The following SLC25A13 variants were observed in gnomAD, a reference collection of about 807,000 sequenced individuals.
SLC25A13 encodes the protein electrogenic aspartate/glutamate antiporter SLC25A13, mitochondrial.
SLC25A13 carries 70 observed loss-of-function variants against 85.5 expected under a neutral mutation model. The ratio of observed to expected loss-of-function variants is 0.82; its 90% CI spans 0.68 to 1.00. The LOEUF (loss-of-function observed/expected upper bound fraction) is 1.00. Among genes scored for constraint, SLC25A13 ranks in the 50% least tolerant of loss-of-function variants. The pLI, the probability that SLC25A13 is intolerant of heterozygous loss-of-function variation, is 0.00. For missense variants in SLC25A13, 765 were observed against 819.8 expected, an observed-to-expected ratio of 0.93 and a Z score of 0.82; for synonymous variants, 259 against 288.7, an observed-to-expected ratio of 0.90 and a Z score of 1.04.
intron 3 of SLC25A13, among the ~76,000 whole-genome samples, chr7:96,244,856 C>A (rs951795510): frequency 3.3e-5 from 5 of 152,128 alleles, no homozygotes; most frequent in Non-Finnish European, 1.5e-5. Context: ...GCTTTAAAAA[C>A]CTATTAAAGA....
intron 1 of SLC25A13, among the ~76,000 whole-genome samples, chr7:96,299,427 C>T (rs1799473276): frequency 6.6e-6 from 1 of 152,298 alleles, no homozygotes; most frequent in South Asian, 2.1e-4. Context: ...ATTCTCACTG[C>T]AAATCAGTCA....
chr7:96,307,288 AATT>A (rs1423216315), intron 1 of SLC25A13, among the ~76,000 whole-genome samples: 1 of 152,206 alleles, frequency 6.6e-6, no homozygotes, highest in Non-Finnish European at 1.5e-5. Flanking sequence ...GATATTGAAG[AATT>A]ATTATAATTT....
Position 96,121,867 on chromosome 7 carries a change from T to A in SLC25A13, c.1722A>T (p.Gly574=), listed in dbSNP as rs760315798. 1 of 1,614,206 alleles carries A rather than the reference T, an allele frequency of 6.2e-7. No individual in the cohort carries two copies. The highest frequency in any genetic ancestry group is 8.5e-7 in the Non-Finnish European group (1 of 1,180,028). The change falls in exon 16 of 18, where the codon GGA becomes GGT. Residue 574 remains glycine, a synonymous_variant. Coordinates refer to ENST00000265631, the MANE Select transcript of SLC25A13 (RefSeq NM_014251.3). ...CAGCTCCCTTCCACAGAGCTTTTGG[T>A]CCTTCTTCACGCAGTATCTTTCTAA... is the stretch of plus-strand genomic sequence containing the variant. ...DCFRKILREE[G]PKALWKGAGA...
intron 3 of SLC25A13, among the ~76,000 whole-genome samples, chr7:96,264,540 T>C (rs1797977037): frequency 6.6e-6 from 1 of 152,216 alleles, no homozygotes; most frequent in Non-Finnish European, 1.5e-5. Context: ...CAGGACCTCT[T>C]AACACAGTTA....
At chr7:96,129,980 T>A (rs768686154) in intron 15 of SLC25A13, among the ~76,000 whole-genome samples, 1 of 152,248 alleles carries the variant, frequency 6.6e-6, no homozygotes, top group Admixed American at 6.5e-5. Context: ...ATAGCAATTA[T>A]CTTAGAGTAG....
chr7:96,225,154 G>A (rs1562857576), intron 4 of SLC25A13, among the ~76,000 whole-genome samples: 1 of 152,200 alleles, frequency 6.6e-6, no homozygotes, highest in Non-Finnish European at 1.5e-5. Context: ...CTTGGGAACA[G>A]AACAAGACCA....
chr7:96,139,984 AGT>A lies in SLC25A13; in HGVS notation c.1452+6570_1452+6571del, dbSNP rs1476578224. ...TTTTTTTTTTTTTTTTTTGAGACGG[AGT>A]CTCGCTCTGTCGCCCAGGCTGGAGT... is the stretch of plus-strand genomic sequence containing the variant. On this transcript the variant is annotated intron_variant, in intron 14 of 17. Transcript: ENST00000265631. 6.7e-5 allele frequency among the ~76,000 whole-genome samples: 7 copies of A among 103,766 alleles called. No individual in the cohort carries two copies. The Admixed American group carries it at 1.0e-3, about 15-fold the overall frequency. The allele number at this position is 103,766 out of a possible 152,430, so 68.1% of individuals were successfully genotyped here. A position where few individuals can be genotyped will look rare whatever the true frequency, so the allele number is the denominator to read the frequency against.
Position 96,234,650 on chromosome 7 carries a change from G to C in SLC25A13, c.328+152C>G. The C allele has an allele frequency of 1.7e-5, 10 of 603,586 alleles. No individual in the cohort carries two copies. In the South Asian group the frequency reaches 1.9e-4, roughly 11 times the overall value. The allele number at this position is 603,586 out of a possible 1,614,324, so 37.4% of individuals were successfully genotyped here. ...CGAATAGGAAGATGTTTGAACTGGA[G>C]CTCCAAAACATTGAAGTATCTTTAC... is the stretch of plus-strand genomic sequence containing the variant. On this transcript the variant is annotated intron_variant, in intron 4 of 17. Transcript: ENST00000265631.
At chr7:96,318,836 C>G (rs11975883) in intron 1 of SLC25A13, among the ~76,000 whole-genome samples, 96,767 of 152,070 alleles carry the variant, frequency 0.64, 31,159 homozygotes, top group Non-Finnish European at 0.67. Flanking sequence ...TTGGAATTCT[C>G]ACAGTTGCTG....
intron 13 of SLC25A13, among the ~76,000 whole-genome samples, chr7:96,152,051 T>C (rs1006176136): frequency 6.6e-6 from 1 of 152,136 alleles, no homozygotes; most frequent in Non-Finnish European, 1.5e-5. Flanking sequence ...GCTAGGAAGG[T>C]GAACCTTGGA....
chr7:96,232,799 C>A (rs912946099), intron 4 of SLC25A13, among the ~76,000 whole-genome samples: 2 of 152,068 alleles, frequency 1.3e-5, no homozygotes, highest in African/African-American at 4.8e-5. Flanking sequence ...AGTTATTACC[C>A]CGATTTTAGA....
chr7:96,225,826 A>T (rs527923277), intron 4 of SLC25A13, among the ~76,000 whole-genome samples: 23 of 152,226 alleles, frequency 1.5e-4, no homozygotes, highest in African/African-American at 5.5e-4. Context: ...GGATATTCTG[A>T]CATCATATTT....
chr7:96,209,866 A>T (rs1314036328), intron 4 of SLC25A13, among the ~76,000 whole-genome samples: 2 of 152,134 alleles, frequency 1.3e-5, no homozygotes, highest in African/African-American at 4.8e-5. Flanking sequence ...CATATTAATA[A>T]TTTTTCCTGG....
At chr7:96,317,100 A>G (rs1353988045) in intron 1 of SLC25A13, among the ~76,000 whole-genome samples, 1 of 152,132 alleles carries the variant, frequency 6.6e-6, no homozygotes. Context: ...CCTCCCGAGC[A>G]GCTGAGATTA....
chr7:96,256,036 G>A lies in SLC25A13; in HGVS notation c.213-21119C>T, dbSNP rs117645561. Among the ~76,000 whole-genome samples, 202 of 152,188 alleles carry A rather than the reference G, an allele frequency of 1.3e-3. 2 individuals are homozygous for A. The East Asian group carries it at 0.027, about 21-fold the overall frequency. ...AGACAAGCAAATTCTGAGGGATATCGTCACCACCAGGCCGGCCTTACAAGA... is the reference window on the plus strand; with the variant it reads ...AGACAAGCAAATTCTGAGGGATATCATCACCACCAGGCCGGCCTTACAAGA... On this transcript the variant is annotated intron_variant, in intron 3 of 17. Transcript: ENST00000265631.
At chr7:96,144,882 T>G (rs1199137235) in intron 14 of SLC25A13, among the ~76,000 whole-genome samples, 1 of 152,154 alleles carries the variant, frequency 6.6e-6, no homozygotes, top group Non-Finnish European at 1.5e-5. Context: ...TCAATAACAG[T>G]CACTGCCACA....
chr7:96,272,267 C>T (rs182480056), intron 3 of SLC25A13, among the ~76,000 whole-genome samples: 2 of 152,082 alleles, frequency 1.3e-5, no homozygotes, highest in East Asian at 3.9e-4. Context: ...AATAAAGGCC[C>T]ATAAACATAT....
At chr7:96,165,318 C>T (rs549228442) in intron 13 of SLC25A13, among the ~76,000 whole-genome samples, 1 of 152,248 alleles carries the variant, frequency 6.6e-6, no homozygotes, top group East Asian at 1.9e-4. Flanking sequence ...GGAGGGTTAA[C>T]ATTTTTAAAC....
At chr7:96,202,208 A>T (rs1366437798) in intron 5 of SLC25A13, among the ~76,000 whole-genome samples, 1 of 152,184 alleles carries the variant, frequency 6.6e-6, no homozygotes, top group Non-Finnish European at 1.5e-5. Context: ...ATCTGAGGAC[A>T]AGGATCCTTA....
Sources: allele counts gnomAD v4.1 joint callset (sites outside exome capture counted in the v4.1 genomes callset), GRCh38; gene constraint gnomAD v4.1.1; transcripts MANE v1.5; gene names NCBI Gene and HGNC (gene_info 2026-07-23, HGNC 2026-07-21).